MTMR11: variants seen among roughly 807,000 people sequenced by gnomAD.
The protein encoded by MTMR11 is myotubularin related protein 11.
In MTMR11, 89 loss-of-function variants were observed where a neutral mutation model predicts 100.0. That is an observed-to-expected ratio of 0.89 (90% CI 0.75 to 1.06). The LOEUF (loss-of-function observed/expected upper bound fraction) is 1.06. Ranked by LOEUF, MTMR11 falls within the 50% of genes least tolerant of loss-of-function variation. The pLI is 0.00. For synonymous variants in MTMR11, 336 were observed against 326.3 expected (o/e 1.03, Z -0.32); for missense variants, 809 against 873.7 (o/e 0.93, Z 0.93).
rs1438128793 is a variant in MTMR11, at chr1:149,929,037, CCTT to C, written c.*89_*91del. Reference sequence around the variant, plus strand: ...CCACTATCTGCAGCAGAAACTCAGACCTTCTTAGTGAACTTAAGGGCTGAAGTG... The same window carrying C: ...CCACTATCTGCAGCAGAAACTCAGACCTTAGTGAACTTAAGGGCTGAAGTG... On this transcript the variant is annotated 3_prime_UTR_variant, in exon 17 of 17. Transcript: ENST00000439741. 1.0e-5 allele frequency: 16 copies of C among 1,594,044 alleles called. No homozygotes were observed. Among genetic ancestry groups the C allele is most frequent in the East Asian group, 2.2e-5 (1 of 44,676 alleles).
chr1:149,936,263 T>C, intron 1 of MTMR11, 34 bp from the exon 2 acceptor site: 2 of 1,612,898 alleles, frequency 1.2e-6, no homozygotes, highest in Non-Finnish European at 1.7e-6. Flanking sequence ...GGTCTAGAGT[T>C]AACCCCTAGG....
At chr1:149,933,174 T>G (rs1234310697) in intron 10 of MTMR11, among the ~76,000 whole-genome samples, 1 of 152,004 alleles carries the variant, frequency 6.6e-6, no homozygotes, top group Non-Finnish European at 1.5e-5. Context: ...CAGGTTGGTC[T>G]TGAACTCCTG....
chr1:149,929,630 T>C lies in MTMR11; in HGVS notation c.1934A>G (p.Glu645Gly). 6.2e-7 allele frequency: 1 copy of C among 1,611,524 alleles called. No homozygotes were observed. Among genetic ancestry groups the C allele is most frequent in the Non-Finnish European group, 8.5e-7 (1 of 1,179,096 alleles). ...TCTATTTTCCCTTCTTACCTGGACC[T>C]CAGGCCTTCCCCTCAGGTAGCAGCG... ...WRRCYLRGRP[E>G]VQMGLSAPTI... The change falls in exon 16 of 17, where the codon GAG becomes GGG. Residue 645 changes from glutamate (E) to glycine (G), a missense_variant. Physicochemically the swap from Glu to Gly is moderately conservative, Grantham distance 98. Transcript: ENST00000439741.
chr1:149,930,208 TC>T (rs2092640579), intron 15 of MTMR11, 156 bp downstream of exon 15: 9 of 817,484 alleles, frequency 1.1e-5, no homozygotes, highest in Non-Finnish European at 1.7e-5. Flanking sequence ...TCTTCTGTCT[TC>T]CTAGGGACAC....
rs1404656623 is a variant in MTMR11, at chr1:149,930,888, C to G, written c.1368G>C (p.Glu456Asp). 1 of 1,613,218 alleles carries G rather than the reference C, an allele frequency of 6.2e-7. No individual in the cohort carries two copies. The highest frequency in any genetic ancestry group is 1.3e-5 in the African/African-American group (1 of 74,824). The change falls in exon 14 of 17, where the codon GAG (glutamate) becomes GAC (aspartate). Residue 456 changes from glutamate (E) to aspartate (D), a missense_variant. By Grantham distance (45) the Glu-to-Asp change is conservative. Coordinates refer to ENST00000439741, the MANE Select transcript of MTMR11 (RefSeq NM_001145862.2). ...QQFPADFEFS[E>D]FFLLALHDSV... ...TGTCATGAAGAGCAAGAAGGAAAAACTCAGAGAATTCAAAATCAGCTGGAA... is the reference window on the plus strand; with the variant it reads ...TGTCATGAAGAGCAAGAAGGAAAAAGTCAGAGAATTCAAAATCAGCTGGAA...
rs2092613537 is a variant in MTMR11, at chr1:149,928,724, G to A, written c.*405C>T. On this transcript the variant is annotated 3_prime_UTR_variant, in exon 17 of 17. Transcript: ENST00000439741. ...TACAAAAATACAGAGGAGATAGGGTGTTTCCTGTATCCGCCTCATTCCCAT... is the reference window on the plus strand; with the variant it reads ...TACAAAAATACAGAGGAGATAGGGTATTTCCTGTATCCGCCTCATTCCCAT... 2 of 766,938 alleles carry A rather than the reference G, an allele frequency of 2.6e-6. No homozygotes were observed. The highest frequency in any genetic ancestry group is 4.3e-6 in the Non-Finnish European group (2 of 460,140). The allele number at this position is 766,938 out of a possible 1,614,324, so 47.5% of individuals were successfully genotyped here. A position where few individuals can be genotyped will look rare whatever the true frequency, so the allele number is the denominator to read the frequency against.
At chr1:149,936,379 A>C in intron 1 of MTMR11, 150 bp from the exon 2 acceptor site, 5 of 1,471,454 alleles carry the variant, frequency 3.4e-6, no homozygotes, top group Non-Finnish European at 4.5e-6. Flanking sequence ...CAGGGCTGGT[A>C]AACAGTAAAG....
chr1:149,935,281 AACCC>A lies in MTMR11; in HGVS notation c.325+14_325+17del, dbSNP rs781897303. The A allele has an allele frequency of 6.3e-7, 1 of 1,591,136 alleles. No homozygotes were observed. Among genetic ancestry groups the A allele is most frequent in the Non-Finnish European group, 8.6e-7 (1 of 1,169,204 alleles). On this transcript the variant is annotated intron_variant, in intron 4 of 16. Coordinates refer to ENST00000439741, the MANE Select transcript of MTMR11 (RefSeq NM_001145862.2). ...ACAACCCCAGTGAACCCCTTCACCA[AACCC>A]CCCCCCAACTTACCAGCCTCTAATC...
In MTMR11 at chr1:149,931,431, G is replaced by A; in HGVS notation, c.1124-5C>T. ...TGAGATCACGATCACCGCGCTCTGG[G>A]TGATAAAGAGGAAGAAGGGACAAAG... On this transcript the variant is annotated splice_region_variant and splice_polypyrimidine_tract_variant and intron_variant, in intron 12 of 16. Coordinates refer to ENST00000439741, the MANE Select transcript of MTMR11 (RefSeq NM_001145862.2). 2 of 1,579,170 alleles carry A rather than the reference G, an allele frequency of 1.3e-6. No individual in the cohort carries two copies. Among genetic ancestry groups the A allele is most frequent in the Non-Finnish European group, 1.7e-6 (2 of 1,163,438 alleles).
In MTMR11 at chr1:149,934,646, T is replaced by A. The variant is rs55886601; in HGVS notation, c.469-120A>T. The stretch of plus-strand genomic sequence containing the variant: ...GAATGAAGAAGAACAGTGAAGACAG[T>A]CCCTAGAGAAGGGGGCTTCCTCAGG... On this transcript the variant is annotated intron_variant, in intron 5 of 16. Transcript: ENST00000439741. The A allele has an allele frequency of 1.7e-3, 1,852 of 1,102,156 alleles. 22 individuals carry two copies. In the African/African-American group the frequency reaches 0.026, roughly 16 times the overall value. The allele number at this position is 1,102,156 out of a possible 1,614,324, so 68.3% of individuals were successfully genotyped here. A position where few individuals can be genotyped will look rare whatever the true frequency, so the allele number is the denominator to read the frequency against.
chr1:149,934,132 A>T lies in MTMR11; in HGVS notation c.683+59T>A. The T allele has an allele frequency of 2.5e-6, 4 of 1,609,418 alleles. No individual in the cohort carries two copies. In the South Asian group the frequency reaches 3.3e-5, roughly 13 times the overall value. On this transcript the variant is annotated intron_variant, in intron 7 of 16. Transcript: ENST00000439741. ...TTGTGGGAAGTCCTAGCTTTAGAGG[A>T]TCAAGGAACTAAGGGAAGATTGGGA...
chr1:149,931,151 C>T (rs2092655359), intron 13 of MTMR11, 109 bp downstream of exon 13: 1 of 1,492,280 alleles, frequency 6.7e-7, no homozygotes, highest in Non-Finnish European at 9.1e-7. Flanking sequence ...CCAGCCTAAC[C>T]TCGGGGCCCT....
Position 149,933,657 on chromosome 1 carries a change from G to A in MTMR11, c.813C>T (p.Arg271=). The change falls in exon 9 of 17, where the codon CGC becomes CGT. Residue 271 remains arginine (R), a synonymous_variant. Transcript: ENST00000439741. Reference sequence around the variant, plus strand: ...CACTGGCTGTATAGAAGCCTCCACAGCGGAGAAGATCACTGCCCCCAGGGT... The same window carrying A: ...CACTGGCTGTATAGAAGCCTCCACAACGGAGAAGATCACTGCCCCCAGGGT... The part of the protein sequence containing the change: ...WHHPGGSDLL[R]CGGFYTASDP... 6.2e-7 allele frequency: 1 copy of A among 1,614,190 alleles called. No individual in the cohort carries two copies. Among genetic ancestry groups the A allele is most frequent in the Non-Finnish European group, 8.5e-7 (1 of 1,180,020 alleles).
rs1559809632 is a variant in MTMR11 at position 149,935,047 on chromosome 1, CG to C, written c.406del (p.Arg136GlufsTer15). ...ACCAACTCTGAGCAGCCGGAAGTCT[CG>C]GCCATGAATCAGAATCTCCTCAGGG... ...FIPEEILIHG[R>X]DFRLLRVGFE... On this transcript the variant is annotated frameshift_variant, in exon 5 of 17. Coordinates refer to ENST00000439741, the MANE Select transcript of MTMR11 (RefSeq NM_001145862.2). LOFTEE classifies it high-confidence loss of function. 6.8e-6 allele frequency: 11 copies of C among 1,614,128 alleles called. No homozygotes were observed. Among genetic ancestry groups the C allele is most frequent in the Non-Finnish European group, 9.3e-6 (11 of 1,180,040 alleles).
chr1:149,933,781 G>T lies in MTMR11; in HGVS notation c.771+74C>A, dbSNP rs2092690028. 3 of 1,607,294 alleles carry T rather than the reference G, an allele frequency of 1.9e-6. No individual in the cohort carries two copies. In the East Asian group the frequency reaches 6.7e-5, roughly 36 times the overall value. On this transcript the variant is annotated intron_variant, in intron 8 of 16. Transcript: ENST00000439741. ...TTGCCCCCACACTGACCTCACAGAG[G>T]TTCCTCCCTCCACGATGTCCCTGGC...
chr1:149,930,075 CT>C, intron 15 of MTMR11, 159 bp from the exon 16 acceptor site: 1 of 824,836 alleles, frequency 1.2e-6, no homozygotes, highest in Non-Finnish European at 1.9e-6. Flanking sequence ...CCTCATTAGG[CT>C]TCAACTAGGC....
At chr1:149,932,237 T>C (rs1259288760) in intron 11 of MTMR11, 27 bp downstream of exon 11, 1 of 1,607,664 alleles carries the variant, frequency 6.2e-7, no homozygotes, top group Non-Finnish European at 8.5e-7. Context: ...GAATTATAAA[T>C]GATGGCTAGA....
At position 149,930,440 on chromosome 1, in the gene MTMR11, A is replaced by C; in HGVS notation, c.1572T>G (p.Asn524Lys). Residue 524 changes from asparagine (N) to lysine (K), a missense_variant, in exon 15 of 17, where the codon AAT becomes AAG. Physicochemically the swap from Asn to Lys is moderately conservative, Grantham distance 94 (BLOSUM62 0). Coordinates refer to ENST00000439741, the MANE Select transcript of MTMR11 (RefSeq NM_001145862.2). ...SVWDWDLRYS[N>K]AQILQFQNPG... ...GATTCTGGAATTGTAGTATCTGTGC[A>C]TTGCTATAACGTAAATCCCAGTCCC... 1 of 1,614,070 alleles carries C rather than the reference A, an allele frequency of 6.2e-7. No homozygotes were observed. Among genetic ancestry groups the C allele is most frequent in the Non-Finnish European group, 8.5e-7 (1 of 1,179,960 alleles).
chr1:149,935,441 C>A (rs782376514), intron 3 of MTMR11, 82 bp from the exon 4 acceptor site: 2 of 1,579,156 alleles, frequency 1.3e-6, no homozygotes, highest in Non-Finnish European at 1.7e-6. Context: ...TTCTAGGGGG[C>A]AACAACCCTA....
Sources: allele counts gnomAD v4.1 joint callset (sites outside exome capture counted in the v4.1 genomes callset), GRCh38; gene constraint gnomAD v4.1.1; transcripts MANE v1.5; gene names NCBI Gene and HGNC (gene_info 2026-07-23, HGNC 2026-07-21).